DOCK4: variants seen among roughly 807,000 people sequenced by gnomAD.
DOCK4 encodes dedicator of cytokinesis protein 4.
DOCK4 carries 97 observed loss-of-function variants against 268.1 expected under a neutral mutation model. The observed-to-expected ratio is 0.36, with a 90% CI of 0.31 to 0.43. The LOEUF (loss-of-function observed/expected upper bound fraction) is 0.43, where lower values mean the gene tolerates loss of function less well. Ranked by LOEUF, DOCK4 falls within the 20% of genes least tolerant of loss-of-function variation. The pLI is 1.00. For synonymous variants in DOCK4, 954 were observed against 887.2 expected, an observed-to-expected ratio of 1.08 and a Z score of -1.34; for missense variants, 2,145 against 2,455.7, an observed-to-expected ratio of 0.87 and a Z score of 2.67.
intron 23 of DOCK4, 52 bp from the exon 24 acceptor site, chr7:111,847,178 C>T: frequency 1.2e-6 from 2 of 1,600,810 alleles, no homozygotes; most frequent in South Asian, 1.1e-5. Flanking sequence ...CCACGCAATA[C>T]CTAGGGCAAA....
chr7:111,857,711 C>A (rs1805126751), intron 23 of DOCK4, among the ~76,000 whole-genome samples: 1 of 152,168 alleles, frequency 6.6e-6, no homozygotes, highest in African/African-American at 2.4e-5. Context: ...CTCGCGAAGT[C>A]CGGCAGACCC....
intron 1 of DOCK4, among the ~76,000 whole-genome samples, chr7:112,146,516 G>C (rs1049429742): frequency 7.9e-5 from 12 of 152,200 alleles, no homozygotes; most frequent in Non-Finnish European, 7.3e-5. Flanking sequence ...CAGATCCTTT[G>C]AGGTCAGGAG....
At chr7:112,080,360 C>A (rs952988942) in intron 1 of DOCK4, among the ~76,000 whole-genome samples, 2 of 152,034 alleles carry the variant, frequency 1.3e-5, no homozygotes, top group Non-Finnish European at 2.9e-5. Flanking sequence ...ACTTTAGCAA[C>A]CCTATGTAAA....
At chr7:111,905,097 T>C (rs1181969135) in intron 13 of DOCK4, among the ~76,000 whole-genome samples, 1 of 152,214 alleles carries the variant, frequency 6.6e-6, no homozygotes, top group Non-Finnish European at 1.5e-5. Flanking sequence ...TATGTTCCAA[T>C]TTTGCAAGGT....
intron 42 of DOCK4, among the ~76,000 whole-genome samples, chr7:111,749,517 A>G (rs1796493670): frequency 6.6e-6 from 1 of 152,232 alleles, no homozygotes; most frequent in African/African-American, 2.4e-5. Context: ...GCTATAAGAA[A>G]AAAGCAATCT....
intron 3 of DOCK4, among the ~76,000 whole-genome samples, chr7:111,999,779 C>CA (rs5886609): frequency 1.1e-3 from 161 of 145,080 alleles, no homozygotes; most frequent in African/African-American, 2.9e-3. Context: ...AGAATTAAAC[C>CA]AAAAAAAAAA....
At chr7:112,047,116 C>T (rs1804893612) in intron 1 of DOCK4, among the ~76,000 whole-genome samples, 1 of 152,154 alleles carries the variant, frequency 6.6e-6, no homozygotes, top group Non-Finnish European at 1.5e-5. Flanking sequence ...TAGAAAACCT[C>T]CTAATTCGTG....
chr7:111,837,257 A>T lies in DOCK4; in HGVS notation c.2737-2571T>A, dbSNP rs150338379. Reference sequence around the variant, plus strand: ...CTTCAGAGAACTAAAAGGAAAAAAAACCCCAAAAACTATTAACCAAGAAAA... The same window carrying T: ...CTTCAGAGAACTAAAAGGAAAAAAATCCCCAAAAACTATTAACCAAGAAAA... On this transcript the variant is annotated intron_variant, in intron 25 of 52. Transcript: ENST00000428084. Among the ~76,000 whole-genome samples, 1,160 of 152,222 alleles carry T rather than the reference A, an allele frequency of 7.6e-3. 15 individuals carry two copies. The highest frequency in any genetic ancestry group is 0.026 in the African/African-American group (1,096 of 41,554).
intron 10 of DOCK4, among the ~76,000 whole-genome samples, chr7:111,940,957 T>A (rs1480165265): frequency 1.3e-5 from 2 of 152,210 alleles, no homozygotes; most frequent in Non-Finnish European, 2.9e-5. Context: ...CAAATTTGTC[T>A]CTAGGTGCTT....
rs776452844 is a variant in DOCK4, at chr7:111,728,386, G to C, written c.5816C>G (p.Ala1939Gly). ...LSIPVTSEPP[A>G]LPPKPLAARS... ...CGCTGCCAGAGGCTTGGGGGGCAGCGCGGGCGGCTCCGACGTGACGGGGAT... is the reference window on the plus strand; with the variant it reads ...CGCTGCCAGAGGCTTGGGGGGCAGCCCGGGCGGCTCCGACGTGACGGGGAT... The change falls in exon 53 of 53, where the codon GCG (alanine) becomes GGG (glycine). Residue 1939 changes from alanine to glycine, a missense_variant. Transcript: ENST00000428084. 1.3e-6 allele frequency: 2 copies of C among 1,552,758 alleles called. No homozygotes were observed. The highest frequency in any genetic ancestry group is 1.4e-5 in the African/African-American group (1 of 73,762).
chr7:111,875,499 G>C (rs981933726), intron 17 of DOCK4, among the ~76,000 whole-genome samples: 1 of 152,178 alleles, frequency 6.6e-6, no homozygotes, highest in African/African-American at 2.4e-5. Context: ...AATTAGGAGG[G>C]ATTATGTTTC....
At chr7:112,090,907 G>A (rs1809561976) in intron 1 of DOCK4, among the ~76,000 whole-genome samples, 1 of 152,108 alleles carries the variant, frequency 6.6e-6, no homozygotes, top group South Asian at 2.1e-4. Context: ...GGCAGGGGGA[G>A]CACCAGATTT....
At chr7:112,080,300 T>A (rs1808463884) in intron 1 of DOCK4, among the ~76,000 whole-genome samples, 1 of 152,174 alleles carries the variant, frequency 6.6e-6, no homozygotes, top group Non-Finnish European at 1.5e-5. Context: ...ATCTATTTGT[T>A]GTTTACCTGA....
intron 1 of DOCK4, among the ~76,000 whole-genome samples, chr7:112,192,416 C>T (rs1820040093): frequency 6.6e-6 from 1 of 152,116 alleles, no homozygotes; most frequent in African/African-American, 2.4e-5. Context: ...GGAAGTATCT[C>T]AATATGAAAC....
At chr7:111,801,657 A>G (rs539737486) in intron 30 of DOCK4, 3 of 151,874 alleles carry the variant, frequency 2.0e-5, no homozygotes, top group South Asian at 2.1e-4. Flanking sequence ...GAATACCTCA[A>G]AAGAAACTTT....
chr7:111,859,857 G>A (rs1258000176), intron 23 of DOCK4, among the ~76,000 whole-genome samples: 2 of 152,110 alleles, frequency 1.3e-5, no homozygotes, highest in Non-Finnish European at 2.9e-5. Context: ...GTGAGCCACC[G>A]CGCCCGGCCG....
intron 12 of DOCK4, among the ~76,000 whole-genome samples, chr7:111,918,870 A>C (rs1792852684): frequency 6.6e-6 from 1 of 152,186 alleles, no homozygotes. Flanking sequence ...AATTCTTAAG[A>C]TCCTGTAATT....
At chr7:112,092,971 A>C (rs1809773918) in intron 1 of DOCK4, among the ~76,000 whole-genome samples, 1 of 152,150 alleles carries the variant, frequency 6.6e-6, no homozygotes, top group Non-Finnish European at 1.5e-5. Flanking sequence ...TGAAAGTGTC[A>C]TGGGAAATCA....
chr7:111,997,672 T>G (rs186939391), intron 4 of DOCK4, among the ~76,000 whole-genome samples: 2 of 152,328 alleles, frequency 1.3e-5, no homozygotes, highest in East Asian at 3.9e-4. Flanking sequence ...AAAATATAAT[T>G]TCTATGGCTG....
Sources: allele counts gnomAD v4.1 joint callset (sites outside exome capture counted in the v4.1 genomes callset), GRCh38; gene constraint gnomAD v4.1.1; transcripts MANE v1.5; gene names NCBI Gene and HGNC (gene_info 2026-07-23, HGNC 2026-07-21).